Variants in HACL1 observed in about 807,000 individuals in gnomAD.
HACL1 encodes the protein 1600020H07Rik.
In HACL1, 64 loss-of-function variants were observed where a neutral mutation model predicts 74.2. The ratio of observed to expected loss-of-function variants is 0.86; its 90% CI spans 0.70 to 1.06. The LOEUF (loss-of-function observed/expected upper bound fraction) is 1.06. Among genes scored for constraint, HACL1 ranks in the 50% least tolerant of loss-of-function variants. HACL1 has a pLI of 0.00. For synonymous variants in HACL1, 230 were observed against 238.8 expected (o/e 0.96, Z 0.34); for missense variants, 728 against 719.7 (o/e 1.01, Z -0.13).
At chr3:15,573,306 T>A (rs2063569659) in intron 10 of HACL1, 64 bp from the exon 11 acceptor site, 1 of 904,332 alleles carries the variant, frequency 1.1e-6, no homozygotes, top group South Asian at 1.3e-5. Context: ...AAGAAGGCAA[T>A]TACGATTGAA....
At chr3:15,601,027 CAT>C (rs2064214250) in intron 2 of HACL1, 61 bp downstream of exon 2, 2 of 973,366 alleles carry the variant, frequency 2.1e-6, no homozygotes, top group Admixed American at 3.4e-5. Context: ...GTTTGCAATG[CAT>C]ACCTACCGCT....
intron 3 of HACL1, among the ~76,000 whole-genome samples, chr3:15,592,560 G>A (rs1235772844): frequency 1.3e-5 from 2 of 148,474 alleles, no homozygotes; most frequent in African/African-American, 2.5e-5. Context: ...ATGTGTGCGT[G>A]TATACACATG....
chr3:15,593,139 A>G (rs1261793943), intron 3 of HACL1, among the ~76,000 whole-genome samples: 8 of 148,712 alleles, frequency 5.4e-5, no homozygotes, highest in African/African-American at 1.5e-4. Context: ...GTATATATGT[A>G]TATATACACA....
Position 15,571,119 on chromosome 3 carries a change from C to G in HACL1, c.1095+549G>C, listed in dbSNP as rs564285037. ...TCAGCCTCCTGAGGAGACAAGACAACAGGTGTGTGCCACCACATCTGGCTT... is the reference window on the plus strand; with the variant it reads ...TCAGCCTCCTGAGGAGACAAGACAAGAGGTGTGTGCCACCACATCTGGCTT... On this transcript the variant is annotated intron_variant, in intron 12 of 16. Transcript: ENST00000321169. Among the ~76,000 whole-genome samples the G allele has an allele frequency of 1.8e-3, 267 of 152,116 alleles. 3 individuals carry two copies. Among genetic ancestry groups the G allele is most frequent in the Middle Eastern group, 0.01 (3 of 294 alleles).
chr3:15,598,563 A>C (rs1559566236), intron 2 of HACL1, among the ~76,000 whole-genome samples: 1 of 152,234 alleles, frequency 6.6e-6, no homozygotes, highest in Non-Finnish European at 1.5e-5. Flanking sequence ...TCGTATGTGT[A>C]AAACACTCAA....
chr3:15,560,976 A>G (rs1204097006), intron 16 of HACL1, 79 bp from the exon 17 acceptor site: 1 of 1,128,846 alleles, frequency 8.9e-7, no homozygotes, highest in Non-Finnish European at 1.3e-6. Context: ...CACTTGTTCT[A>G]AAACCTAAAA....
intron 3 of HACL1, among the ~76,000 whole-genome samples, chr3:15,593,930 T>C (rs1216517189): frequency 6.6e-6 from 1 of 151,828 alleles, no homozygotes; most frequent in East Asian, 2.0e-4. Context: ...CCCAAGTAGC[T>C]GGGATTACAG....
chr3:15,582,279 T>C (rs2063727181), intron 8 of HACL1, among the ~76,000 whole-genome samples: 1 of 152,172 alleles, frequency 6.6e-6, no homozygotes, highest in Non-Finnish European at 1.5e-5. Flanking sequence ...AAAATACTCA[T>C]ACCCTCTAAC....
In HACL1 at chr3:15,573,158, C is replaced by A. The variant is rs773384256; in HGVS notation, c.993+1G>T. ...ACATAAACTAAAACAAAAGTTCTCACCTGCTTAGTGACAGCATGTATGTTT... is the reference window on the plus strand; with the variant it reads ...ACATAAACTAAAACAAAAGTTCTCAACTGCTTAGTGACAGCATGTATGTTT... On this transcript the variant is annotated splice_donor_variant, in intron 11 of 16. Transcript: ENST00000321169. LOFTEE classifies it high-confidence loss of function. 5.1e-6 allele frequency: 8 copies of A among 1,570,510 alleles called. No homozygotes were observed. The highest frequency in any genetic ancestry group is 1.7e-4 in the Middle Eastern group (1 of 5,982).
Position 15,575,867 on chromosome 3 carries a change from T to C in HACL1, c.804-785A>G, listed in dbSNP as rs185142236. On this transcript the variant is annotated intron_variant, in intron 9 of 16. Coordinates refer to ENST00000321169, the MANE Select transcript of HACL1 (RefSeq NM_012260.4). ...TCTCATATACTTTTGCTTACATAAA[T>C]GTTTTCCTGGCCTGGTGCGGTGGCT... is the stretch of plus-strand genomic sequence containing the variant. 9.3e-4 allele frequency among the ~76,000 whole-genome samples: 141 copies of C among 151,952 alleles called. 3 individuals carry two copies. Among genetic ancestry groups the C allele is most frequent in the Admixed American group, 3.9e-3 (59 of 15,234 alleles).
chr3:15,586,646 T>G, intron 5 of HACL1, 44 bp from the exon 6 acceptor site: 1 of 1,069,672 alleles, frequency 9.3e-7, no homozygotes, highest in South Asian at 1.3e-5. Context: ...CTCACAATCA[T>G]GTTACTCTCC....
At chr3:15,600,779 C>T (rs779185708) in intron 2 of HACL1, 30 of 399,648 alleles carry the variant, frequency 7.5e-5, no homozygotes, top group Non-Finnish European at 1.2e-4. Context: ...TCAGACTTTA[C>T]TCATAAACTG....
chr3:15,576,805 G>C (rs183658109), intron 9 of HACL1, among the ~76,000 whole-genome samples: 3 of 152,110 alleles, frequency 2.0e-5, no homozygotes, highest in African/African-American at 7.2e-5. Context: ...AGTGATAAAT[G>C]CAATTTTTCA....
At position 15,579,996 on chromosome 3, in the gene HACL1, T is replaced by C. The variant is rs1354682756; in HGVS notation, c.717A>G (p.Gln239=). 5 of 1,610,646 alleles carry C rather than the reference T, an allele frequency of 3.1e-6. No individual in the cohort carries two copies. Among genetic ancestry groups the C allele is most frequent in the Non-Finnish European group, 4.2e-6 (5 of 1,176,872 alleles). The part of the protein sequence containing the change: ...AEESIKKLVE[Q]YKLPFLPTPM... ...GGGTGGGCAAAAATGGCAGTTTATA[T>C]TGCTCCACCAATTTCTTGATACTCT... Residue 239 remains glutamine, a synonymous_variant, in exon 9 of 17, where the codon CAA becomes CAG. Coordinates refer to ENST00000321169, the MANE Select transcript of HACL1 (RefSeq NM_012260.4).
intron 4 of HACL1, among the ~76,000 whole-genome samples, chr3:15,590,878 T>C (rs958196666): frequency 6.6e-6 from 1 of 152,152 alleles, no homozygotes; most frequent in Non-Finnish European, 1.5e-5. Flanking sequence ...GTCAGGAGTT[T>C]GAGACCAGCC....
At position 15,580,032 on chromosome 3, in the gene HACL1, A is replaced by T. The variant is rs2063694403; in HGVS notation, c.681T>A (p.Ala227=). Reference sequence around the variant, plus strand: ...ATTTCTTGATACTCTCTTCTGCATGAGCGTAAGCAGCACCTATAAGAAATG... The same window carrying T: ...ATTTCTTGATACTCTCTTCTGCATGTGCGTAAGCAGCACCTATAAGAAATG... ...LLIIGKGAAY[A]HAEESIKKLV... The change falls in exon 9 of 17, where the codon GCT becomes GCA. Residue 227 remains alanine, a synonymous_variant. Transcript: ENST00000321169. 1.9e-6 allele frequency: 3 copies of T among 1,612,150 alleles called. No homozygotes were observed. Among genetic ancestry groups the T allele is most frequent in the Admixed American group, 3.3e-5 (2 of 59,918 alleles).
At chr3:15,593,212 T>C (rs1414607221) in intron 3 of HACL1, among the ~76,000 whole-genome samples, 3 of 136,594 alleles carry the variant, frequency 2.2e-5, no homozygotes, top group African/African-American at 3.3e-5. Flanking sequence ...TGTGTGTATA[T>C]ATATACACAC....
intron 12 of HACL1, among the ~76,000 whole-genome samples, chr3:15,569,752 G>A (rs995172025): frequency 4.0e-5 from 6 of 151,038 alleles, no homozygotes; most frequent in Non-Finnish European, 7.4e-5. Flanking sequence ...CCCAGGAGGC[G>A]GAGGTTGCGG....
intron 14 of HACL1, among the ~76,000 whole-genome samples, chr3:15,564,969 A>C (rs191427415): frequency 3.3e-5 from 5 of 152,272 alleles, no homozygotes. Context: ...GTTCAAGACA[A>C]GCCTGGCCAA....
Sources: allele counts gnomAD v4.1 joint callset (sites outside exome capture counted in the v4.1 genomes callset), GRCh38; gene constraint gnomAD v4.1.1; transcripts MANE v1.5; gene names NCBI Gene and HGNC (gene_info 2026-07-23, HGNC 2026-07-21).